Variants in ADAM32 observed in about 807,000 individuals in gnomAD.
ADAM32 encodes the protein ADAM metallopeptidase domain 32.
Under a neutral mutation model 114.9 loss-of-function variants are expected in ADAM32, and 89 were observed. The observed-to-expected ratio is 0.77, with a 90% CI of 0.65 to 0.92. The LOEUF (loss-of-function observed/expected upper bound fraction) is 0.92, where lower values mean the gene tolerates loss of function less well. Ranked by LOEUF, ADAM32 falls within the 40% of genes least tolerant of loss-of-function variation. The pLI is 0.00. For synonymous variants in ADAM32, 285 were observed against 307.5 expected (o/e 0.93, Z 0.77); for missense variants, 870 against 932.8 (o/e 0.93, Z 0.88).
At chr8:39,175,337 T>C (rs1805458659) in intron 10 of ADAM32, among the ~76,000 whole-genome samples, 1 of 152,218 alleles carries the variant, frequency 6.6e-6, no homozygotes, top group Non-Finnish European at 1.5e-5. Context: ...AGATGGTTCT[T>C]ATTATTTTGA....
intron 19 of ADAM32, among the ~76,000 whole-genome samples, chr8:39,262,528 G>A (rs1812100656): frequency 6.6e-6 from 1 of 151,918 alleles, no homozygotes; most frequent in Non-Finnish European, 1.5e-5. Flanking sequence ...GCTATTCAGG[G>A]CCTTTTGTAG....
chr8:39,191,835 A>G (rs955028475), intron 11 of ADAM32, among the ~76,000 whole-genome samples: 2 of 152,132 alleles, frequency 1.3e-5, no homozygotes, highest in Admixed American at 6.5e-5. Flanking sequence ...GTTCCTATGT[A>G]CAGAATGATT....
intron 14 of ADAM32, among the ~76,000 whole-genome samples, chr8:39,229,906 A>G (rs1378118901): frequency 6.6e-6 from 1 of 152,156 alleles, no homozygotes; most frequent in African/African-American, 2.4e-5. Flanking sequence ...CTATTTAACA[A>G]TGCATGGAAC....
At chr8:39,258,021 G>A (rs1014048020) in intron 19 of ADAM32, among the ~76,000 whole-genome samples, 4 of 151,898 alleles carry the variant, frequency 2.6e-5, no homozygotes, top group African/African-American at 9.7e-5. Context: ...AATACACGTG[G>A]CATTATCCAT....
At chr8:39,228,921 G>T (rs577660020) in intron 14 of ADAM32, among the ~76,000 whole-genome samples, 2 of 152,172 alleles carry the variant, frequency 1.3e-5, no homozygotes, top group African/African-American at 2.4e-5. Context: ...AATCTTAAGA[G>T]CTGTGAGACA....
intron 10 of ADAM32, among the ~76,000 whole-genome samples, chr8:39,183,356 A>T (rs1238986132): frequency 6.6e-6 from 1 of 152,156 alleles, no homozygotes; most frequent in African/African-American, 2.4e-5. Context: ...TGGTCCCAGA[A>T]TGGTGGGGAA....
chr8:39,158,156 T>A lies in ADAM32; in HGVS notation c.526-2741T>A, dbSNP rs184621260. ...TCCAGAGACCAGTCCAGTTTCTCGG[T>A]CACAGTGCCTCTGTTCACCTGGATG... is the stretch of plus-strand genomic sequence containing the variant. On this transcript the variant is annotated intron_variant, in intron 6 of 24. Transcript: ENST00000379907. 643 of 185,876 alleles carry A rather than the reference T, an allele frequency of 3.5e-3. 3 individuals carry two copies. The highest frequency in any genetic ancestry group is 0.014 in the African/African-American group (609 of 42,034). 11.5% of individuals were successfully genotyped at this position (185,876 alleles called of 1,614,324 possible).
At chr8:39,277,280 T>G (rs1813134252) in intron 22 of ADAM32, among the ~76,000 whole-genome samples, 1 of 152,236 alleles carries the variant, frequency 6.6e-6, no homozygotes, top group South Asian at 2.1e-4. Flanking sequence ...TTTGCAATGT[T>G]AAACCACTGG....
At position 39,202,669 on chromosome 8, in the gene ADAM32, G is replaced by T. The variant is rs983545886; in HGVS notation, c.1053-8475G>T. 3.8e-4 allele frequency among the ~76,000 whole-genome samples: 58 copies of T among 151,998 alleles called. 1 individual carries two copies. Among genetic ancestry groups the T allele is most frequent in the African/African-American group, 1.3e-3 (55 of 41,362 alleles). ...TGATCTTATTTCATTCTTGCCTTCT[G>T]CTAGCTTTTGAATGTGTTTGCTCTT... On this transcript the variant is annotated intron_variant, in intron 11 of 24. Transcript: ENST00000379907.
At chr8:39,109,277 C>T (rs913378537) in intron 1 of ADAM32, among the ~76,000 whole-genome samples, 2 of 152,204 alleles carry the variant, frequency 1.3e-5, no homozygotes, top group African/African-American at 4.8e-5. Context: ...CGTGGTGGCT[C>T]ACGCCTGTAA....
upstream of ADAM32, chr8:39,107,621 G>C: frequency 6.8e-7 from 1 of 1,464,704 alleles, no homozygotes; most frequent in Non-Finnish European, 9.0e-7. Flanking sequence ...TCGTGTTCCG[G>C]ACGCTAAACA....
intron 11 of ADAM32, among the ~76,000 whole-genome samples, chr8:39,197,727 G>T (rs1014831146): frequency 2.6e-5 from 4 of 152,048 alleles, no homozygotes; most frequent in African/African-American, 9.7e-5. Flanking sequence ...TTCTTTTGTG[G>T]CCTAACATGT....
chr8:39,224,934 G>A (rs942846121), intron 14 of ADAM32, among the ~76,000 whole-genome samples: 2 of 152,162 alleles, frequency 1.3e-5, no homozygotes, highest in African/African-American at 4.8e-5. Context: ...TATGGAGGTG[G>A]TTATGAACAA....
At chr8:39,261,031 C>G (rs565422171) in intron 19 of ADAM32, among the ~76,000 whole-genome samples, 1 of 152,162 alleles carries the variant, frequency 6.6e-6, no homozygotes, top group African/African-American at 2.4e-5. Context: ...AGGTAATTAG[C>G]AGATATATCA....
chr8:39,125,107 A>G (rs561375979), intron 2 of ADAM32, among the ~76,000 whole-genome samples: 20 of 152,096 alleles, frequency 1.3e-4, no homozygotes, highest in African/African-American at 4.8e-4. Context: ...AATGATGTTG[A>G]GTTTTTTTCA....
chr8:39,199,780 C>G lies in ADAM32; in HGVS notation c.1053-11364C>G, dbSNP rs1194705192. 4.7e-5 allele frequency among the ~76,000 whole-genome samples: 7 copies of G among 149,972 alleles called. No homozygotes were observed. In the East Asian group the frequency reaches 1.4e-3, roughly 29 times the overall value. On this transcript the variant is annotated intron_variant, in intron 11 of 24. Transcript: ENST00000379907. ...ATGCTATCCCCCCCACCACCCCCCA[C>G]CCCACAACAGGCACCGGTGTGTGAT...
intron 8 of ADAM32, 48 bp from the exon 9 acceptor site, chr8:39,164,982 G>C: frequency 6.5e-7 from 1 of 1,536,598 alleles, no homozygotes; most frequent in Non-Finnish European, 8.8e-7. Context: ...GTTTTTATAA[G>C]ATAACATAAA....
chr8:39,117,492 T>C (rs943529055), intron 1 of ADAM32, among the ~76,000 whole-genome samples: 7 of 152,100 alleles, frequency 4.6e-5, no homozygotes, highest in African/African-American at 7.2e-5. Context: ...TCTGACTTTA[T>C]ATTTAATGGC....
At chr8:39,185,656 A>C (rs1158839282) in intron 10 of ADAM32, among the ~76,000 whole-genome samples, 1 of 152,208 alleles carries the variant, frequency 6.6e-6, no homozygotes, top group Non-Finnish European at 1.5e-5. Context: ...TACTTGGCAC[A>C]TTAAATACAA....
Sources: gnomAD v4.1 joint callset for allele counts (sites outside exome capture counted in the v4.1 genomes callset) on GRCh38, gnomAD v4.1.1 for gene constraint, MANE v1.5 for transcripts, NCBI Gene and HGNC (gene_info 2026-07-23, HGNC 2026-07-21) for gene names.